Variants in ACSL1 observed in about 807,000 individuals in gnomAD.
ACSL1 encodes long-chain-fatty-acid--CoA ligase 1.
Under a neutral mutation model 98.4 loss-of-function variants are expected in ACSL1, and 41 were observed. The ratio of observed to expected loss-of-function variants is 0.42; its 90% CI spans 0.32 to 0.54. The LOEUF is 0.54. ACSL1 is among the 20% of genes least tolerant of loss of function. ACSL1 has a pLI of 0.13. For synonymous variants in ACSL1, 316 were observed against 322.7 expected (o/e 0.98, Z 0.22); for missense variants, 734 against 883.1 (o/e 0.83, Z 2.14).
At chr4:184,808,812 G>C (rs922909299) in intron 1 of ACSL1, among the ~76,000 whole-genome samples, 1 of 152,172 alleles carries the variant, frequency 6.6e-6, no homozygotes, top group Non-Finnish European at 1.5e-5. Context: ...AGGGAGGTAC[G>C]GCAGCTCAAA....
At chr4:184,801,570 T>C (rs902224391) in intron 2 of ACSL1, among the ~76,000 whole-genome samples, 7 of 152,210 alleles carry the variant, frequency 4.6e-5, no homozygotes, top group African/African-American at 1.7e-4. Context: ...TCAAAGCATC[T>C]GTAATTATTA....
chr4:184,807,446 C>T (rs1771569734), intron 1 of ACSL1, among the ~76,000 whole-genome samples: 1 of 152,202 alleles, frequency 6.6e-6, no homozygotes, highest in Non-Finnish European at 1.5e-5. Context: ...CCTCCCCACT[C>T]TTACAGAAAG....
intron 2 of ACSL1, among the ~76,000 whole-genome samples, chr4:184,796,202 A>G (rs1018197867): frequency 1.3e-5 from 2 of 152,166 alleles, no homozygotes; most frequent in Non-Finnish European, 2.9e-5. Flanking sequence ...CCCGTGCTGG[A>G]TGCTTCCTGC....
Position 184,780,279 on chromosome 4 carries a change from T to C in ACSL1, c.477+53A>G, listed in dbSNP as rs1579883153. ...CTGGTCTCTAGCAGAAGTTAGGCTC[T>C]TATATCTGAGAATTCTCAAAATCAT... On this transcript the variant is annotated intron_variant, in intron 5 of 20. Transcript: ENST00000281455. 22 of 1,471,594 alleles carry C rather than the reference T, an allele frequency of 1.5e-5. No homozygotes were observed. In the East Asian group the frequency reaches 5.0e-4, roughly 33 times the overall value. The allele number at this position is 1,471,594 out of a possible 1,614,324, so 91.2% of individuals were successfully genotyped here.
chr4:184,783,015 C>G (rs1388761543), intron 4 of ACSL1, among the ~76,000 whole-genome samples: 2 of 152,104 alleles, frequency 1.3e-5, no homozygotes, highest in African/African-American at 4.8e-5. Flanking sequence ...GCATGATTAC[C>G]TGCCCCGAGA....
intron 1 of ACSL1, among the ~76,000 whole-genome samples, chr4:184,824,585 G>C (rs1483625890): frequency 6.6e-6 from 1 of 152,166 alleles, no homozygotes; most frequent in Non-Finnish European, 1.5e-5. Context: ...AATGCAGTTT[G>C]TTCACAAATA....
At chr4:184,823,504 C>T (rs1023187816) in intron 1 of ACSL1, among the ~76,000 whole-genome samples, 1 of 152,166 alleles carries the variant, frequency 6.6e-6, no homozygotes, top group South Asian at 2.1e-4. Flanking sequence ...AATTACTACT[C>T]CTATAGTCTT....
Position 184,760,495 on chromosome 4 carries a change from G to A in ACSL1, c.1644C>T (p.Gly548=). ...TTTTCCGGTCGATAATTTTCAAGGTGCCATTCTGTTGATCAGAGGGGAGGG... is the reference window on the plus strand; with the variant it reads ...TTTTCCGGTCGATAATTTTCAAGGTACCATTCTGTTGATCAGAGGGGAGGG... ...TGDIGKWLPN[G]TLKIIDRKKH... The change falls in exon 18 of 21, where the codon GGC becomes GGT. Residue 548 remains glycine, a synonymous_variant. Coordinates refer to ENST00000281455, the MANE Select transcript of ACSL1 (RefSeq NM_001995.5). The A allele has an allele frequency of 6.2e-7, 1 of 1,614,098 alleles. No individual in the cohort carries two copies.
chr4:184,814,936 A>C (rs1772486767), intron 1 of ACSL1: 1 of 445,010 alleles, frequency 2.2e-6, no homozygotes, highest in Non-Finnish European at 4.5e-6. Context: ...TGAACATTCC[A>C]GGGGGATAAC....
rs1762688408 is a variant in ACSL1, at chr4:184,760,359, G to T, written c.1780C>A (p.Gln594Lys). Residue 594 changes from glutamine to lysine, a missense_variant and splice_region_variant, in exon 18 of 21, where the codon CAG becomes AAG. Gln to Lys is a moderately conservative substitution (Grantham distance 53). Coordinates refer to ENST00000281455, the MANE Select transcript of ACSL1 (RefSeq NM_001995.5). ...AQVFVHGESL[Q>K]AFLIAIVVPD... Reference sequence around the variant, plus strand: ...TTCAAGACCCAGAAAGCACATACCTGCAGGCTTTCTCCGTGGACAAACACC... The same window carrying T: ...TTCAAGACCCAGAAAGCACATACCTTCAGGCTTTCTCCGTGGACAAACACC... 6.2e-7 allele frequency: 1 copy of T among 1,614,054 alleles called. No homozygotes were observed. The highest frequency in any genetic ancestry group is 1.6e-4 in the Middle Eastern group (1 of 6,062).
At chr4:184,780,476 A>C in intron 4 of ACSL1, 43 bp from the exon 5 acceptor site, 1 of 1,478,168 alleles carries the variant, frequency 6.8e-7, no homozygotes, top group Non-Finnish European at 9.4e-7. Flanking sequence ...TTGGGCCCCA[A>C]CTCCAGAAAC....
intron 1 of ACSL1, among the ~76,000 whole-genome samples, chr4:184,824,934 G>T (rs12503643): frequency 0.48 from 72,358 of 152,056 alleles, 18,601 homozygotes; most frequent in African/African-American, 0.69. Flanking sequence ...TTGTGAAATG[G>T]GTGGCAGAAA....
intron 4 of ACSL1, 118 bp from the exon 5 acceptor site, chr4:184,780,551 G>A (rs922393615): frequency 4.6e-6 from 3 of 652,016 alleles, no homozygotes; most frequent in African/African-American, 1.8e-5. Flanking sequence ...GAAACGGAGA[G>A]GGAACATGCA....
Position 184,783,986 on chromosome 4 carries a change from C to G in ACSL1, c.316G>C (p.Gly106Arg). The change falls in exon 4 of 21, where the codon GGC becomes CGC. Residue 106 changes from glycine (G) to arginine (R), a missense_variant. By Grantham distance (125) the Gly-to-Arg change is moderately radical (BLOSUM62 -2). Transcript: ENST00000281455. ...FQRGIQVSNN[G>R]PCLGSRKPDQ... The stretch of plus-strand genomic sequence containing the variant: ...GGTTTCCGAGAGCCTAAACAAGGGC[C>G]ATTATCTAAAAAAAGAGAAAAAACA... 6.2e-7 allele frequency: 1 copy of G among 1,612,148 alleles called. No homozygotes were observed. The highest frequency in any genetic ancestry group is 8.5e-7 in the Non-Finnish European group (1 of 1,179,054).
intron 1 of ACSL1, among the ~76,000 whole-genome samples, chr4:184,814,595 A>G (rs1318160268): frequency 2.0e-5 from 3 of 152,130 alleles, no homozygotes; most frequent in African/African-American, 7.2e-5. Flanking sequence ...ATTTTTTACT[A>G]TGGAAAAATT....
intron 1 of ACSL1, among the ~76,000 whole-genome samples, chr4:184,823,178 G>A (rs991285280): frequency 1.3e-5 from 2 of 152,118 alleles, no homozygotes; most frequent in Admixed American, 1.3e-4. Context: ...TAAAAACTCC[G>A]GCACCTTTAT....
chr4:184,763,944 A>G (rs1763212364), intron 15 of ACSL1, among the ~76,000 whole-genome samples: 1 of 151,962 alleles, frequency 6.6e-6, no homozygotes, highest in African/African-American at 2.4e-5. Context: ...CTGTTAAGGA[A>G]ACTGAGGTTA....
intron 14 of ACSL1, 67 bp downstream of exon 14, chr4:184,765,824 C>G (rs1412541943): frequency 7.1e-7 from 1 of 1,403,642 alleles, no homozygotes; most frequent in Non-Finnish European, 1.0e-6. Flanking sequence ...GTACAGATGA[C>G]TTTTGGTGCA....
At chr4:184,778,054 G>A (rs754366877) in intron 5 of ACSL1, among the ~76,000 whole-genome samples, 2 of 152,182 alleles carry the variant, frequency 1.3e-5, no homozygotes, top group African/African-American at 4.8e-5. Flanking sequence ...CTAGAAAAGT[G>A]CAGGAAAGAA....
Sources: gnomAD v4.1 joint callset for allele counts (sites outside exome capture counted in the v4.1 genomes callset) on GRCh38, gnomAD v4.1.1 for gene constraint, MANE v1.5 for transcripts, NCBI Gene and HGNC (gene_info 2026-07-23, HGNC 2026-07-21) for gene names.